Variants in CNTN4 observed in about 807,000 individuals in gnomAD.
The protein encoded by CNTN4 is contactin 4.
A neutral mutation model predicts 122.5 loss-of-function variants in CNTN4; 77 were observed. That is an observed-to-expected ratio of 0.63 (90% CI 0.52 to 0.76). The LOEUF (loss-of-function observed/expected upper bound fraction) is 0.76, where lower values mean the gene tolerates loss of function less well. Ranked by LOEUF, CNTN4 falls within the 30% of genes least tolerant of loss-of-function variation. The pLI is 0.00. For synonymous variants in CNTN4, 512 were observed against 447.0 expected (o/e 1.15, Z -1.83); for missense variants, 1,256 against 1,259.1 (o/e 1.00, Z 0.04).
At chr3:2,804,395 A>C (rs1470284364) in intron 6 of CNTN4, among the ~76,000 whole-genome samples, 4 of 152,232 alleles carry the variant, frequency 2.6e-5, no homozygotes, top group Admixed American at 2.6e-4. Flanking sequence ...GTTTACTAAC[A>C]ATGTGTACTT....
At chr3:2,388,004 A>G (rs1159981637) in intron 3 of CNTN4, among the ~76,000 whole-genome samples, 3 of 152,226 alleles carry the variant, frequency 2.0e-5, no homozygotes, top group African/African-American at 7.2e-5. Context: ...GTTTTCACAC[A>G]GTGACTTAAG....
At chr3:2,647,935 A>G (rs978638006) in intron 4 of CNTN4, among the ~76,000 whole-genome samples, 1 of 152,242 alleles carries the variant, frequency 6.6e-6, no homozygotes, top group African/African-American at 2.4e-5. Context: ...GTTTACAATT[A>G]GATATAAGTT....
chr3:2,444,614 T>C (rs1280177082), intron 3 of CNTN4, among the ~76,000 whole-genome samples: 1 of 152,146 alleles, frequency 6.6e-6, no homozygotes, highest in Non-Finnish European at 1.5e-5. Context: ...CATATTTTTT[T>C]CTAATTTAAG....
chr3:2,463,821 TG>T (rs2151449497), intron 3 of CNTN4, among the ~76,000 whole-genome samples: 1 of 152,284 alleles, frequency 6.6e-6, no homozygotes, highest in African/African-American at 2.4e-5. Context: ...ACTTACTTTT[TG>T]TCTCACCCTG....
intron 14 of CNTN4, among the ~76,000 whole-genome samples, chr3:3,021,844 C>T (rs1252541623): frequency 2.6e-5 from 4 of 152,114 alleles, no homozygotes. Flanking sequence ...CTTTGGGAGG[C>T]CAAGGCGGGA....
chr3:2,132,655 A>G (rs530074544), intron 2 of CNTN4, among the ~76,000 whole-genome samples: 1 of 152,194 alleles, frequency 6.6e-6, no homozygotes, highest in African/African-American at 2.4e-5. Flanking sequence ...AGCATCCAAG[A>G]TTGTCATCAT....
intron 7 of CNTN4, among the ~76,000 whole-genome samples, chr3:2,837,498 G>T (rs2093254822): frequency 6.6e-6 from 1 of 152,186 alleles, no homozygotes; most frequent in Non-Finnish European, 1.5e-5. Flanking sequence ...CAAGTGTGCA[G>T]TGACGTGCAT....
At chr3:3,054,677 T>C (rs1440268759) in intron 24 of CNTN4, among the ~76,000 whole-genome samples, 2 of 152,110 alleles carry the variant, frequency 1.3e-5, no homozygotes, top group African/African-American at 4.8e-5. Flanking sequence ...GTGAGGCTAG[T>C]GATTGGCAGT....
At chr3:2,630,496 A>G (rs1023921204) in intron 4 of CNTN4, among the ~76,000 whole-genome samples, 2 of 152,164 alleles carry the variant, frequency 1.3e-5, no homozygotes, top group Admixed American at 1.3e-4. Flanking sequence ...TTACTAAAAC[A>G]TATACTTAAG....
At chr3:2,444,769 A>G (rs1161595142) in intron 3 of CNTN4, among the ~76,000 whole-genome samples, 1 of 152,106 alleles carries the variant, frequency 6.6e-6, no homozygotes, top group Non-Finnish European at 1.5e-5. Context: ...CTGGTCAGAC[A>G]GATGAACTAA....
chr3:2,718,894 G>T (rs1246277090), intron 4 of CNTN4, among the ~76,000 whole-genome samples: 1 of 151,982 alleles, frequency 6.6e-6, no homozygotes, highest in Non-Finnish European at 1.5e-5. Flanking sequence ...ATTGGATCAG[G>T]GATTTTTAAC....
intron 10 of CNTN4, among the ~76,000 whole-genome samples, chr3:2,889,230 G>A (rs887258729): frequency 2.6e-5 from 4 of 152,172 alleles, no homozygotes; most frequent in Non-Finnish European, 5.9e-5. Context: ...CCCTGATGCA[G>A]CTTCTGAGGG....
chr3:2,404,365 G>A (rs1575561728), intron 3 of CNTN4, among the ~76,000 whole-genome samples: 1 of 152,142 alleles, frequency 6.6e-6, no homozygotes, highest in African/African-American at 2.4e-5. Context: ...CCAGCAGGAT[G>A]TGATTGTATG....
chr3:2,213,576 T>A (rs896921566), intron 2 of CNTN4, among the ~76,000 whole-genome samples: 1 of 152,168 alleles, frequency 6.6e-6, no homozygotes, highest in Admixed American at 6.5e-5. Flanking sequence ...TAAACTCAAG[T>A]TGCCAGAGTC....
chr3:2,728,070 C>A (rs1240096454), intron 4 of CNTN4, among the ~76,000 whole-genome samples: 1 of 152,096 alleles, frequency 6.6e-6, no homozygotes, highest in Non-Finnish European at 1.5e-5. Context: ...TTTGAACATG[C>A]CTTGCTGTCT....
chr3:2,798,051 G>A (rs1348463987), intron 6 of CNTN4, among the ~76,000 whole-genome samples: 2 of 88,568 alleles, frequency 2.3e-5, no homozygotes, highest in African/African-American at 6.8e-5. Context: ...TACCCATTAA[G>A]TATTTTTTTT....
intron 2 of CNTN4, among the ~76,000 whole-genome samples, chr3:2,104,820 C>T (rs1179482509): frequency 6.6e-6 from 1 of 152,204 alleles, no homozygotes; most frequent in Non-Finnish European, 1.5e-5. Context: ...GTGAGAAAAT[C>T]AGCTAATTCT....
chr3:2,152,397 T>A (rs949585775), intron 2 of CNTN4, among the ~76,000 whole-genome samples: 1 of 152,078 alleles, frequency 6.6e-6, no homozygotes, highest in Admixed American at 6.6e-5. Context: ...GTCTGGTAGG[T>A]AGCTTTGGGG....
At position 2,347,155 on chromosome 3, in the gene CNTN4, C is replaced by T. The variant is rs527398752; in HGVS notation, c.-89+7922C>T. ...TAGTTCATGCTGCATTATTAGCAAA[C>T]AGCCCCAAGTGTCATGGATTAAAAC... On this transcript the variant is annotated intron_variant, in intron 3 of 24. Coordinates refer to ENST00000418658, the MANE Select transcript of CNTN4 (RefSeq NM_175607.3). Among the ~76,000 whole-genome samples, 21 of 152,280 alleles carry T rather than the reference C, an allele frequency of 1.4e-4. No homozygotes were observed. In the East Asian group the frequency reaches 3.9e-3, roughly 28 times the overall value.
Sources: allele counts gnomAD v4.1 joint callset (sites outside exome capture counted in the v4.1 genomes callset), GRCh38; gene constraint gnomAD v4.1.1; transcripts MANE v1.5; gene names NCBI Gene and HGNC (gene_info 2026-07-23, HGNC 2026-07-21).